Variants in MYO3B observed in about 807,000 individuals in gnomAD.
The protein encoded by MYO3B is myosin-IIIb.
Under a neutral mutation model 174.6 loss-of-function variants are expected in MYO3B, and 156 were observed. The ratio of observed to expected loss-of-function variants is 0.89; its 90% CI spans 0.78 to 1.02. The LOEUF (loss-of-function observed/expected upper bound fraction) is 1.02. MYO3B is among the 50% of genes least tolerant of loss of function. MYO3B has a pLI of 0.00. For synonymous variants in MYO3B, 563 were observed against 569.1 expected, an observed-to-expected ratio of 0.99 and a Z score of 0.15; for missense variants, 1,632 against 1,639.4, an observed-to-expected ratio of 1.00 and a Z score of 0.08.
intron 7 of MYO3B, among the ~76,000 whole-genome samples, chr2:170,248,164 C>G (rs1401957422): frequency 6.6e-6 from 1 of 152,132 alleles, no homozygotes; most frequent in Non-Finnish European, 1.5e-5. Context: ...GCCCTTACTC[C>G]TACAGTCCAC....
intron 7 of MYO3B, among the ~76,000 whole-genome samples, chr2:170,278,851 C>T (rs903537174): frequency 5.3e-5 from 8 of 152,028 alleles, no homozygotes; most frequent in Non-Finnish European, 1.2e-4. Flanking sequence ...TTTTTAGTTC[C>T]CACATTGGAA....
chr2:170,484,056 A>T (rs1165589428), intron 25 of MYO3B, among the ~76,000 whole-genome samples: 3 of 152,226 alleles, frequency 2.0e-5, no homozygotes, highest in Non-Finnish European at 4.4e-5. Context: ...AAGATTGCTA[A>T]CTATGTTTCT....
chr2:170,332,531 G>A lies in MYO3B; in HGVS notation c.750-2854G>A, dbSNP rs190147145. The stretch of plus-strand genomic sequence containing the variant: ...ATTGCCAGTCCAAACAAAGTATTGC[G>A]AAGTCTTCAAATTCATTGGGTTTTC... On this transcript the variant is annotated intron_variant, in intron 7 of 34. Coordinates refer to ENST00000408978, the MANE Select transcript of MYO3B (RefSeq NM_138995.5). 2.4e-4 allele frequency among the ~76,000 whole-genome samples: 36 copies of A among 152,268 alleles called. No homozygotes were observed. The East Asian group carries it at 6.0e-3, about 25-fold the overall frequency.
intron 32 of MYO3B, among the ~76,000 whole-genome samples, chr2:170,598,534 A>T (rs2106337791): frequency 6.6e-6 from 1 of 152,350 alleles, no homozygotes. Context: ...CCCTTGGGGA[A>T]TCCAGCTATC....
chr2:170,532,402 C>T (rs184231843), intron 30 of MYO3B, among the ~76,000 whole-genome samples: 3 of 152,292 alleles, frequency 2.0e-5, no homozygotes, highest in East Asian at 3.9e-4. Flanking sequence ...TGAATACAAT[C>T]TGTAGATTGG....
chr2:170,357,330 T>A (rs914989708), intron 8 of MYO3B, among the ~76,000 whole-genome samples: 2 of 135,004 alleles, frequency 1.5e-5, no homozygotes, highest in African/African-American at 5.2e-5. Flanking sequence ...TAAAAATAAA[T>A]AATATATATT....
chr2:170,270,623 G>C (rs999679170), intron 7 of MYO3B, among the ~76,000 whole-genome samples: 1 of 152,116 alleles, frequency 6.6e-6, no homozygotes, highest in African/African-American at 2.4e-5. Flanking sequence ...TCCTGTCCTT[G>C]CTGCCCTGCC....
intron 7 of MYO3B, among the ~76,000 whole-genome samples, chr2:170,313,344 A>C (rs16858142): frequency 6.6e-6 from 1 of 152,064 alleles, no homozygotes; most frequent in Non-Finnish European, 1.5e-5. Context: ...CATAGTGCTC[A>C]GTAAGTACAT....
intron 7 of MYO3B, among the ~76,000 whole-genome samples, chr2:170,317,854 A>G (rs1479906349): frequency 1.3e-5 from 2 of 152,188 alleles, no homozygotes; most frequent in African/African-American, 4.8e-5. Flanking sequence ...GATTTCCTAG[A>G]GTTTTTATCG....
chr2:170,236,288 G>A (rs2093069756), intron 7 of MYO3B, 152 bp downstream of exon 7: 1 of 932,704 alleles, frequency 1.1e-6, no homozygotes, highest in East Asian at 2.6e-5. Context: ...GGGGGCTGGG[G>A]GGGACAGAGA....
At chr2:170,264,248 A>T (rs2093366488) in intron 7 of MYO3B, among the ~76,000 whole-genome samples, 1 of 152,136 alleles carries the variant, frequency 6.6e-6, no homozygotes, top group Non-Finnish European at 1.5e-5. Context: ...TCTTTTCCCC[A>T]CATTCGTTTA....
chr2:170,274,128 C>A (rs930072168), intron 7 of MYO3B, among the ~76,000 whole-genome samples: 14 of 151,158 alleles, frequency 9.3e-5, no homozygotes, highest in African/African-American at 3.4e-4. Flanking sequence ...GAGAGAGAGA[C>A]CAAGATGGCT....
At position 170,632,923 on chromosome 2, in the gene MYO3B, G is replaced by C. The variant is rs149412277; in HGVS notation, c.3734-18705G>C. On this transcript the variant is annotated intron_variant, in intron 32 of 34. Transcript: ENST00000408978. ...TTCCTCGACACTTATACCCTCCAAA[G>C]ACAGCTGAATTGCTGAATAGACCAA... Among the ~76,000 whole-genome samples, 722 of 147,744 alleles carry C rather than the reference G, an allele frequency of 4.9e-3. 2 individuals are homozygous for C. Among genetic ancestry groups the C allele is most frequent in the Admixed American group, 7.4e-3 (110 of 14,806 alleles).
At chr2:170,391,185 C>G (rs983429178) in intron 14 of MYO3B, among the ~76,000 whole-genome samples, 5 of 152,192 alleles carry the variant, frequency 3.3e-5, no homozygotes, top group African/African-American at 1.2e-4. Flanking sequence ...TAAGCTGGAC[C>G]TCACTGTCTC....
At position 170,392,515 on chromosome 2, in the gene MYO3B, G is replaced by A; in HGVS notation, c.1791+20G>A. 1 of 1,430,900 alleles carries A rather than the reference G, an allele frequency of 7.0e-7. No homozygotes were observed. The highest frequency in any genetic ancestry group is 9.5e-7 in the Non-Finnish European group (1 of 1,051,366). 88.6% of individuals were successfully genotyped at this position (1,430,900 alleles called of 1,614,324 possible). A position where few individuals can be genotyped will look rare whatever the true frequency, so the allele number is the denominator to read the frequency against. ...GACAAAGTAAGTGATGATCAAGAGAGGAACTCAAGTGACAATATTCTTATA... is the reference window on the plus strand; with the variant it reads ...GACAAAGTAAGTGATGATCAAGAGAAGAACTCAAGTGACAATATTCTTATA... On this transcript the variant is annotated intron_variant, in intron 16 of 34. Coordinates refer to ENST00000408978, the MANE Select transcript of MYO3B (RefSeq NM_138995.5).
chr2:170,574,106 T>C (rs1339032942), intron 32 of MYO3B, among the ~76,000 whole-genome samples: 1 of 152,144 alleles, frequency 6.6e-6, no homozygotes, highest in Non-Finnish European at 1.5e-5. Flanking sequence ...AAGCACTTAA[T>C]AGAATGTGCA....
At chr2:170,589,100 A>G (rs963574012) in intron 32 of MYO3B, among the ~76,000 whole-genome samples, 5 of 152,154 alleles carry the variant, frequency 3.3e-5, no homozygotes, top group African/African-American at 1.2e-4. Flanking sequence ...GAGAAAAGGA[A>G]ACTACAGGAG....
At position 170,515,018 on chromosome 2, in the gene MYO3B, T is replaced by C. The variant is rs781567947; in HGVS notation, c.3468T>C (p.His1156=). 2 of 1,613,530 alleles carry C rather than the reference T, an allele frequency of 1.2e-6. No individual in the cohort carries two copies. Among genetic ancestry groups the C allele is most frequent in the East Asian group, 2.2e-5 (1 of 44,884 alleles). ...EVQDCSEPGD[H]KVLRGSVHRR... ...AAGACTGCAGCGAGCCTGGTGACCA[T>C]AAAGGTAGAGTCTTTCGAGATTTAG... The change falls in exon 29 of 35, where the codon CAT becomes CAC. Residue 1156 remains histidine, a synonymous_variant. Transcript: ENST00000408978.
At chr2:170,384,949 G>A (rs2094362897) in intron 12 of MYO3B, among the ~76,000 whole-genome samples, 1 of 152,162 alleles carries the variant, frequency 6.6e-6, no homozygotes. Context: ...CATCTGCCCA[G>A]CCGAATACCA....
Sources: gnomAD v4.1 joint callset for allele counts (sites outside exome capture counted in the v4.1 genomes callset) on GRCh38, gnomAD v4.1.1 for gene constraint, MANE v1.5 for transcripts, NCBI Gene and HGNC (gene_info 2026-07-23, HGNC 2026-07-21) for gene names.